Variants in GFPT2 observed in about 807,000 individuals in gnomAD.
GFPT2 encodes the protein glutamine--fructose-6-phosphate transaminase 2, also known as glutamine--fructose-6-phosphate aminotransferase [isomerizing] 2.
In GFPT2, 62 loss-of-function variants were observed where a neutral mutation model predicts 85.6. The observed-to-expected ratio is 0.72, with a 90% CI of 0.59 to 0.90. The LOEUF (loss-of-function observed/expected upper bound fraction) is 0.90, where lower values mean the gene tolerates loss of function less well. GFPT2 is among the 40% of genes least tolerant of loss of function. GFPT2 has a pLI of 0.00. For missense variants in GFPT2, 788 were observed against 893.4 expected, an observed-to-expected ratio of 0.88 and a Z score of 1.50; for synonymous variants, 368 against 344.5, an observed-to-expected ratio of 1.07 and a Z score of -0.75.
At chr5:180,305,064 G>GCAGA (rs1443352051) in intron 16 of GFPT2, 125 bp from the exon 17 acceptor site, 2 of 710,024 alleles carry the variant, frequency 2.8e-6, no homozygotes, top group Middle Eastern at 3.7e-4. Context: ...GGGTTGCAAG[G>GCAGA]CAGACAGATG....
chr5:180,329,943 C>T (rs1214128608), intron 6 of GFPT2, among the ~76,000 whole-genome samples: 1 of 152,234 alleles, frequency 6.6e-6, no homozygotes. Flanking sequence ...GGGCCCTGTC[C>T]TCTGGGATGT....
intron 2 of GFPT2, among the ~76,000 whole-genome samples, chr5:180,338,171 T>C (rs529098619): frequency 1.3e-5 from 2 of 152,220 alleles, no homozygotes; most frequent in African/African-American, 2.4e-5. Context: ...AAATACAGTG[T>C]TGCTCAAGTC....
chr5:180,304,644 G>T, intron 17 of GFPT2, 128 bp downstream of exon 17: 1 of 855,270 alleles, frequency 1.2e-6, no homozygotes, highest in Non-Finnish European at 1.9e-6. Flanking sequence ...GCGGCCCGGG[G>T]GAGGGTGTGT....
At chr5:180,303,901 TG>T (rs1353432817) in intron 17 of GFPT2, among the ~76,000 whole-genome samples, 1 of 152,170 alleles carries the variant, frequency 6.6e-6, no homozygotes, top group Non-Finnish European at 1.5e-5. Flanking sequence ...GGATGGCGTC[TG>T]GCCCTGCTAG....
In GFPT2 at chr5:180,307,170, G is replaced by A. The variant is rs1304103081; in HGVS notation, c.1674+6C>T. The A allele has an allele frequency of 3.3e-6, 5 of 1,537,160 alleles. No homozygotes were observed. The highest frequency in any genetic ancestry group is 2.1e-4 in the Middle Eastern group (1 of 4,672). ...GTGGGGGTGGGGGCTGGGGGTGGGGGCTCACCAGGGCTCCTTCCAGGCAGG... is the reference window on the plus strand; with the variant it reads ...GTGGGGGTGGGGGCTGGGGGTGGGGACTCACCAGGGCTCCTTCCAGGCAGG... On this transcript the variant is annotated splice_donor_region_variant and intron_variant, in intron 16 of 18. Transcript: ENST00000253778.
Position 180,325,218 on chromosome 5 carries a change from T to C in GFPT2, c.597-323A>G, listed in dbSNP as rs147187205. Among the ~76,000 whole-genome samples, 122 of 152,164 alleles carry C rather than the reference T, an allele frequency of 8.0e-4. No homozygotes were observed. In the Middle Eastern group the frequency reaches 0.017, roughly 21 times the overall value. The stretch of plus-strand genomic sequence containing the variant: ...AGGTTAGATGGCGGAGGCTGAGCGT[T>C]TGGCAGCAGAGGAGGCGCTGGTGGG... On this transcript the variant is annotated intron_variant, in intron 7 of 18. Transcript: ENST00000253778.
intron 13 of GFPT2, among the ~76,000 whole-genome samples, chr5:180,315,961 C>A (rs1020756454): frequency 3.9e-5 from 6 of 152,234 alleles, no homozygotes; most frequent in Admixed American, 6.5e-5. Flanking sequence ...CCACGTGACT[C>A]TCAACCTAAC....
rs1248336569 is a variant in GFPT2, at chr5:180,304,705, G to A, written c.1842+67C>T. Reference sequence around the variant, plus strand: ...CATCCATCACTGGTACTGGCAGACAGTGGTGAGGTGGGCATGCATGGGGAA... The same window carrying A: ...CATCCATCACTGGTACTGGCAGACAATGGTGAGGTGGGCATGCATGGGGAA... On this transcript the variant is annotated intron_variant, in intron 17 of 18. Coordinates refer to ENST00000253778, the MANE Select transcript of GFPT2 (RefSeq NM_005110.4). The A allele has an allele frequency of 2.2e-6, 3 of 1,367,360 alleles. No individual in the cohort carries two copies. The African/African-American group carries it at 4.3e-5, about 19-fold the overall frequency. The allele number at this position is 1,367,360 out of a possible 1,614,324, so 84.7% of individuals were successfully genotyped here.
At chr5:180,317,107 C>T (rs1457683666) in intron 10 of GFPT2, 49 bp from the exon 11 acceptor site, 8 of 1,158,830 alleles carry the variant, frequency 6.9e-6, no homozygotes, top group Non-Finnish European at 9.2e-6. Context: ...TATTTCACTG[C>T]TTTTCATTAT....
chr5:180,332,002 C>T (rs1358572169), intron 4 of GFPT2, among the ~76,000 whole-genome samples: 2 of 152,252 alleles, frequency 1.3e-5, no homozygotes, highest in Admixed American at 6.5e-5. Flanking sequence ...GTTTGACCCA[C>T]ACTGTGTTGT....
Position 180,336,482 on chromosome 5 carries a change from A to G in GFPT2, c.211T>C (p.Tyr71His). The G allele has an allele frequency of 1.3e-6, 2 of 1,573,714 alleles. No individual in the cohort carries two copies. The highest frequency in any genetic ancestry group is 1.7e-6 in the Non-Finnish European group (2 of 1,143,148). ...GKVKALDEEL[Y>H]KQDSMDLKVE... ...CACTCAGAGGTCCTCCACTTACTGT[A>G]AAGTTCTTCATCGAGAGCCTTGACT... The change falls in exon 3 of 19, where the codon TAC becomes CAC. Residue 71 changes from tyrosine to histidine, a missense_variant. Transcript: ENST00000253778.
intron 1 of GFPT2, among the ~76,000 whole-genome samples, chr5:180,347,397 C>T (rs572707760): frequency 2.0e-5 from 3 of 152,152 alleles, no homozygotes; most frequent in Admixed American, 6.5e-5. Context: ...TGGTCACCCA[C>T]CCAGAGCTTC....
Position 180,328,162 on chromosome 5 carries a change from A to G in GFPT2, c.596+115T>C, listed in dbSNP as rs575857029. On this transcript the variant is annotated intron_variant, in intron 7 of 18. Transcript: ENST00000253778. This position sits in a 1 kb window ranked among gnomAD's most constrained non-coding sequence, Gnocchi z 5.4. ...CGGGGCTGAGCCACAGTTGTTCTTT[A>G]GACACCACGAGCACCTTTCAGCGTG... 1.3e-6 allele frequency: 1 copy of G among 765,312 alleles called. No individual in the cohort carries two copies. The highest frequency in any genetic ancestry group is 1.7e-5 in the African/African-American group (1 of 58,334). The allele number at this position is 765,312 out of a possible 1,614,324, so 47.4% of individuals were successfully genotyped here.
At chr5:180,352,264 C>G in intron 1 of GFPT2, 1 of 376,024 alleles carries the variant, frequency 2.7e-6, no homozygotes, top group Non-Finnish European at 5.1e-6. Flanking sequence ...AGAGAGAGGC[C>G]TTTCATGGCT....
intron 15 of GFPT2, among the ~76,000 whole-genome samples, chr5:180,307,521 CT>C (rs1380631791): frequency 2.6e-5 from 4 of 152,194 alleles, no homozygotes; most frequent in Admixed American, 6.5e-5. Flanking sequence ...TGAACACTTT[CT>C]TGAGCACCAA....
In GFPT2 at chr5:180,314,050, C is replaced by G; in HGVS notation, c.1274-86G>C. 18 of 1,367,372 alleles carry G rather than the reference C, an allele frequency of 1.3e-5. 1 individual carries two copies. The highest frequency in any genetic ancestry group is 1.7e-5 in the Non-Finnish European group (18 of 1,032,384). 84.7% of individuals were successfully genotyped at this position (1,367,372 alleles called of 1,614,324 possible). A position where few individuals can be genotyped will look rare whatever the true frequency, so the allele number is the denominator to read the frequency against. ...CTTCCTCCTTCACCGCCGGCTCTTACAGGGAAATCGGCGCCCGAGACACAG... is the reference window on the plus strand; with the variant it reads ...CTTCCTCCTTCACCGCCGGCTCTTAGAGGGAAATCGGCGCCCGAGACACAG... On this transcript the variant is annotated intron_variant, in intron 13 of 18. Coordinates refer to ENST00000253778, the MANE Select transcript of GFPT2 (RefSeq NM_005110.4).
Position 180,335,860 on chromosome 5 carries a change from T to C in GFPT2, c.308A>G (p.Asn103Ser), listed in dbSNP as rs1224405515. The C allele has an allele frequency of 3.1e-6, 5 of 1,596,174 alleles. No homozygotes were observed. The highest frequency in any genetic ancestry group is 1.1e-5 in the South Asian group (1 of 88,336). Residue 103 changes from asparagine to serine, a missense_variant, in exon 4 of 19, where the codon AAC becomes AGC. Coordinates refer to ENST00000253778, the MANE Select transcript of GFPT2 (RefSeq NM_005110.4). ...WATHGVPSAVNSHPQRSDKGN... is the reference protein window; with the variant it reads ...WATHGVPSAVSSHPQRSDKGN... Reference sequence around the variant, plus strand: ...TTTGTCTGAGCGCTGAGGGTGGCTGTTGACAGCACTGGGGACCCCGTGGGT... The same window carrying C: ...TTTGTCTGAGCGCTGAGGGTGGCTGCTGACAGCACTGGGGACCCCGTGGGT...
Position 180,324,115 on chromosome 5 carries a change from G to C in GFPT2, c.794+73C>G, listed in dbSNP as rs761470102. ...ATAGCTCACATGGAAGGATGAATAAGAACCGGCAGTGTTTAGACAGGCATT... is the reference window on the plus strand; with the variant it reads ...ATAGCTCACATGGAAGGATGAATAACAACCGGCAGTGTTTAGACAGGCATT... On this transcript the variant is annotated intron_variant, in intron 9 of 18. Coordinates refer to ENST00000253778, the MANE Select transcript of GFPT2 (RefSeq NM_005110.4). 16 of 852,182 alleles carry C rather than the reference G, an allele frequency of 1.9e-5. No individual in the cohort carries two copies. The Admixed American group carries it at 2.1e-4, about 11-fold the overall frequency. The allele number at this position is 852,182 out of a possible 1,614,324, so 52.8% of individuals were successfully genotyped here. A position where few individuals can be genotyped will look rare whatever the true frequency, so the allele number is the denominator to read the frequency against.
At chr5:180,305,186 C>T (rs1438724979) in intron 16 of GFPT2, among the ~76,000 whole-genome samples, 4 of 152,158 alleles carry the variant, frequency 2.6e-5, no homozygotes, top group Non-Finnish European at 5.9e-5. Flanking sequence ...CCCACACCAG[C>T]CCCGGGCACT....
Sources: gnomAD v4.1 joint callset for allele counts (sites outside exome capture counted in the v4.1 genomes callset) on GRCh38, gnomAD v4.1.1 for gene constraint, Gnocchi (gnomAD v3.1) non-coding constraint, MANE v1.5 for transcripts, NCBI Gene and HGNC (gene_info 2026-07-23, HGNC 2026-07-21) for gene names.